The following KCNJ3 variants were observed in gnomAD, a reference collection of about 807,000 sequenced individuals.
KCNJ3 encodes potassium inwardly rectifying channel subfamily J member 3, also known as G protein-activated inward rectifier potassium channel 1.
A neutral mutation model predicts 39.2 loss-of-function variants in KCNJ3; 4 were observed. The ratio of observed to expected loss-of-function variants is 0.10; its 90% CI spans 0.05 to 0.23. The LOEUF is 0.23. Ranked by LOEUF, KCNJ3 falls within the 10% of genes least tolerant of loss-of-function variation. KCNJ3 has a pLI of 1.00. For synonymous variants in KCNJ3, 230 were observed against 237.4 expected (o/e 0.97, Z 0.29); for missense variants, 276 against 634.9 (o/e 0.43, Z 6.08).
At chr2:154,722,581 T>C (rs996263157) in intron 2 of KCNJ3, among the ~76,000 whole-genome samples, 2 of 152,002 alleles carry the variant, frequency 1.3e-5, no homozygotes, top group Non-Finnish European at 1.5e-5. Context: ...AGTGGAAGAG[T>C]AAAGGCTGGA....
At chr2:154,771,984 A>G (rs908709346) in intron 2 of KCNJ3, among the ~76,000 whole-genome samples, 2 of 152,190 alleles carry the variant, frequency 1.3e-5, no homozygotes, top group Non-Finnish European at 2.9e-5. Flanking sequence ...TTATGTTTGT[A>G]AATACTGTAA....
intron 2 of KCNJ3, among the ~76,000 whole-genome samples, chr2:154,744,148 T>C (rs1185889806): frequency 2.0e-5 from 3 of 151,760 alleles, no homozygotes; most frequent in Non-Finnish European, 3.0e-5. Context: ...AATTGATTGA[T>C]TTTGAGTATT....
Position 154,764,147 on chromosome 2 carries a change from G to A in KCNJ3, c.919+54328G>A, listed in dbSNP as rs958311878. Among the ~76,000 whole-genome samples, 26 of 152,330 alleles carry A rather than the reference G, an allele frequency of 1.7e-4. 2 individuals are homozygous for A. The highest frequency in any genetic ancestry group is 1.7e-3 in the Admixed American group (26 of 15,296). Reference sequence around the variant, plus strand: ...ATTGAATTTCTTAAGCACGAAAAGTGCTAGCAGTATCTCCATTATATTCTG... The same window carrying A: ...ATTGAATTTCTTAAGCACGAAAAGTACTAGCAGTATCTCCATTATATTCTG... On this transcript the variant is annotated intron_variant, in intron 2 of 2. Transcript: ENST00000295101.
At chr2:154,704,968 C>G (rs532101990) in intron 1 of KCNJ3, among the ~76,000 whole-genome samples, 3 of 152,296 alleles carry the variant, frequency 2.0e-5, no homozygotes, top group Non-Finnish European at 2.9e-5. Context: ...CTTGCTCTCT[C>G]CGTCTTAGCC....
At chr2:154,787,115 GA>G (rs899195890) in intron 2 of KCNJ3, among the ~76,000 whole-genome samples, 20 of 152,036 alleles carry the variant, frequency 1.3e-4, no homozygotes, top group African/African-American at 4.6e-4. Flanking sequence ...AAAGTATATT[GA>G]AAAGATAATT....
At chr2:154,800,655 T>A (rs1185216253) in intron 2 of KCNJ3, among the ~76,000 whole-genome samples, 2 of 152,222 alleles carry the variant, frequency 1.3e-5, no homozygotes, top group African/African-American at 4.8e-5. Context: ...CTTTATACTA[T>A]CTTGTTCATC....
At chr2:154,820,524 G>A (rs1352587978) in intron 2 of KCNJ3, among the ~76,000 whole-genome samples, 3 of 152,280 alleles carry the variant, frequency 2.0e-5, no homozygotes, top group South Asian at 2.1e-4. Flanking sequence ...GAAGACGCTT[G>A]AGGCCAGGTT....
chr2:154,774,866 T>G (rs1384630197), intron 2 of KCNJ3, among the ~76,000 whole-genome samples: 1 of 152,114 alleles, frequency 6.6e-6, no homozygotes, highest in East Asian at 1.9e-4. Flanking sequence ...TTTGTTAACA[T>G]CTCCCAATGA....
intron 1 of KCNJ3, among the ~76,000 whole-genome samples, chr2:154,704,662 A>T (rs1574427506): frequency 6.6e-6 from 1 of 152,198 alleles, no homozygotes; most frequent in Non-Finnish European, 1.5e-5. Flanking sequence ...ATGCCAATAA[A>T]ATTCTAGGTC....
intron 2 of KCNJ3, among the ~76,000 whole-genome samples, chr2:154,714,526 A>G (rs1292013159): frequency 6.6e-6 from 1 of 152,174 alleles, no homozygotes; most frequent in Non-Finnish European, 1.5e-5. Flanking sequence ...ATCTCCAGAT[A>G]TGAAACTTAC....
intron 2 of KCNJ3, among the ~76,000 whole-genome samples, chr2:154,790,525 T>C (rs761945103): frequency 3.3e-5 from 5 of 152,156 alleles, no homozygotes; most frequent in Admixed American, 6.6e-5. Context: ...GGATGATAGA[T>C]ACACTAATGC....
intron 2 of KCNJ3, among the ~76,000 whole-genome samples, chr2:154,723,673 TTA>T (rs1343244652): frequency 6.6e-6 from 1 of 152,206 alleles, no homozygotes; most frequent in Non-Finnish European, 1.5e-5. Flanking sequence ...TTGTATTCAT[TTA>T]GCTTTGTAAA....
chr2:154,776,153 C>G (rs543367292), intron 2 of KCNJ3, among the ~76,000 whole-genome samples: 1 of 152,070 alleles, frequency 6.6e-6, no homozygotes, highest in South Asian at 2.1e-4. Context: ...AGGCACACAC[C>G]CCCACGCCAG....
chr2:154,850,874 C>T (rs985671695), intron 2 of KCNJ3, among the ~76,000 whole-genome samples: 4 of 152,036 alleles, frequency 2.6e-5, no homozygotes, highest in African/African-American at 4.8e-5. Flanking sequence ...GTTGAGAAAC[C>T]CTAAAAGTTG....
chr2:154,844,752 G>A (rs1199253255), intron 2 of KCNJ3, among the ~76,000 whole-genome samples: 2 of 152,194 alleles, frequency 1.3e-5, no homozygotes, highest in Non-Finnish European at 2.9e-5. Flanking sequence ...AACCCTCCGA[G>A]GCAGGCATGG....
At chr2:154,726,792 T>TACACAC (rs1421883511) in intron 2 of KCNJ3, among the ~76,000 whole-genome samples, 173 of 101,366 alleles carry the variant, frequency 1.7e-3, no homozygotes, top group African/African-American at 6.7e-3. Context: ...ACATTTTATA[T>TACACAC]ACATACACAC....
chr2:154,811,338 C>T (rs1379185310), intron 2 of KCNJ3, among the ~76,000 whole-genome samples: 1 of 152,084 alleles, frequency 6.6e-6, no homozygotes, highest in Admixed American at 6.6e-5. Flanking sequence ...GGAGTCTCTG[C>T]CAATGAAATA....
intron 2 of KCNJ3, among the ~76,000 whole-genome samples, chr2:154,728,182 T>C (rs1430874605): frequency 6.6e-6 from 1 of 152,098 alleles, no homozygotes; most frequent in Non-Finnish European, 1.5e-5. Context: ...TTAGTATAGA[T>C]ACATACCTGG....
chr2:154,779,515 T>A (rs1686398232), intron 2 of KCNJ3, among the ~76,000 whole-genome samples: 1 of 146,548 alleles, frequency 6.8e-6, no homozygotes, highest in African/African-American at 2.5e-5. Flanking sequence ...ATGTTATATA[T>A]ATTTTTTATA....
Sources: allele counts gnomAD v4.1 joint callset (sites outside exome capture counted in the v4.1 genomes callset), GRCh38; gene constraint gnomAD v4.1.1; transcripts MANE v1.5; gene names NCBI Gene and HGNC (gene_info 2026-07-23, HGNC 2026-07-21).